Variants in EPHB3 observed in about 807,000 individuals in gnomAD.
EPHB3 encodes ephrin type-B receptor 3.
Under a neutral mutation model 100.2 loss-of-function variants are expected in EPHB3, and 33 were observed. That is an observed-to-expected ratio of 0.33 (90% CI 0.25 to 0.44). The LOEUF is 0.44. Ranked by LOEUF, EPHB3 falls within the 20% of genes least tolerant of loss-of-function variation. The probability of loss-of-function intolerance (pLI) is 1.00; values close to 1 mark genes in which losing one functional copy is unlikely to be tolerated. For missense variants in EPHB3, 1,045 were observed against 1,378.3 expected (o/e 0.76, Z 3.83); for synonymous variants, 526 against 554.7 (o/e 0.95, Z 0.73).
intron 3 of EPHB3, among the ~76,000 whole-genome samples, chr3:184,575,603 G>T (rs903472851): frequency 1.3e-5 from 2 of 152,082 alleles, no homozygotes; most frequent in African/African-American, 4.8e-5. Context: ...GGGTAGGGGT[G>T]AGGGGGGCAG....
At position 184,562,900 on chromosome 3, in the gene EPHB3, A is replaced by G. The variant is rs1457627478; in HGVS notation, c.118+547A>G. Reference sequence around the variant, plus strand: ...ATTGTTTATGGTTTACCGGGCGCCAATTACACCCGAGGTGCTGTATGGGCG... The same window carrying G: ...ATTGTTTATGGTTTACCGGGCGCCAGTTACACCCGAGGTGCTGTATGGGCG... On this transcript the variant is annotated intron_variant, in intron 1 of 15. Transcript: ENST00000330394. This position sits in a 1 kb window ranked among gnomAD's most constrained non-coding sequence, Gnocchi z 4.8. Among the ~76,000 whole-genome samples, 1 of 152,202 alleles carries G rather than the reference A, an allele frequency of 6.6e-6. No individual in the cohort carries two copies. The highest frequency in any genetic ancestry group is 1.5e-5 in the Non-Finnish European group (1 of 68,024).
chr3:184,575,816 C>T lies in EPHB3; in HGVS notation c.857-14C>T, dbSNP rs773830998. 2.5e-6 allele frequency: 4 copies of T among 1,582,868 alleles called. No homozygotes were observed. The South Asian group carries it at 3.5e-5, about 14-fold the overall frequency. The stretch of plus-strand genomic sequence containing the variant: ...AAGGGAGGTGAGCCCCATTCATCCT[C>T]TTCTCTCCCACAGCCTGTCCCCCTG... On this transcript the variant is annotated splice_polypyrimidine_tract_variant and intron_variant, in intron 3 of 15. Coordinates refer to ENST00000330394, the MANE Select transcript of EPHB3 (RefSeq NM_004443.4).
In EPHB3 at chr3:184,571,480, G is replaced by A. The variant is rs979613723; in HGVS notation, c.183+98G>A. 3 of 1,320,470 alleles carry A rather than the reference G, an allele frequency of 2.3e-6. No homozygotes were observed. The African/African-American group carries it at 4.3e-5, about 19-fold the overall frequency. The allele number at this position is 1,320,470 out of a possible 1,614,324, so 81.8% of individuals were successfully genotyped here. A position where few individuals can be genotyped will look rare whatever the true frequency, so the allele number is the denominator to read the frequency against. The stretch of plus-strand genomic sequence containing the variant: ...CCTCATCTCACCAGGGCCTGGAGGA[G>A]GGCTGCCTCTGCCCTCTGCCTGTCA... On this transcript the variant is annotated intron_variant, in intron 2 of 15. Transcript: ENST00000330394. This position sits in a 1 kb window ranked among gnomAD's most constrained non-coding sequence, Gnocchi z 5.0.
chr3:184,576,238 T>TGGC (rs1714674007), intron 4 of EPHB3, among the ~76,000 whole-genome samples: 4 of 150,830 alleles, frequency 2.7e-5, no homozygotes, highest in African/African-American at 7.4e-5. Context: ...GCTCAGGAAC[T>TGGC]TGCTCCTAGC....
Position 184,565,034 on chromosome 3 carries a change from ACC to A in EPHB3, c.118+2685_118+2686del. Among the ~76,000 whole-genome samples the A allele has an allele frequency of 6.6e-6, 1 of 151,438 alleles. No homozygotes were observed. Among genetic ancestry groups the A allele is most frequent in the Non-Finnish European group, 1.5e-5 (1 of 67,856 alleles). On this transcript the variant is annotated intron_variant, in intron 1 of 15. Transcript: ENST00000330394. The surrounding 1 kb of genome is among the most constrained non-coding windows in gnomAD (Gnocchi z 4.8). ...GAGCCCTGGCTGCTACCTCTCATGT[ACC>A]CCCTAGTTAGATGCTGTCTAGCACC...
Position 184,580,691 on chromosome 3 carries a change from G to A in EPHB3, c.2389-38G>A, listed in dbSNP as rs376676131. On this transcript the variant is annotated intron_variant, in intron 12 of 15. Coordinates refer to ENST00000330394, the MANE Select transcript of EPHB3 (RefSeq NM_004443.4). ...GGGGCTCGGGCCTGGGGGGCAGCCC[G>A]GAGTCACAGGGTGAAGGGCCTGTGC... 4.4e-4 allele frequency: 709 copies of A among 1,610,514 alleles called. 3 individuals carry two copies. Among genetic ancestry groups the A allele is most frequent in the Non-Finnish European group, 5.7e-4 (676 of 1,177,912 alleles).
Position 184,573,144 on chromosome 3 carries a change from A to G in EPHB3, c.824A>G (p.His275Arg). ...PVGACTCATG[H>R]EPAAKESQCR... ...GGTGCCTGCACCTGTGCCACCGGCC[A>G]TGAGCCAGCTGCCAAGGAGTCCCAG... is the stretch of plus-strand genomic sequence containing the variant. Residue 275 changes from histidine to arginine, a missense_variant, in exon 3 of 16, where the codon CAT (histidine) becomes CGT (arginine). His to Arg is a conservative substitution (Grantham distance 29). Transcript: ENST00000330394. The surrounding 1 kb of genome is among the most constrained non-coding windows in gnomAD (Gnocchi z 4.5). The G allele has an allele frequency of 3.7e-6, 6 of 1,612,614 alleles. No homozygotes were observed. Among genetic ancestry groups the G allele is most frequent in the Non-Finnish European group, 5.1e-6 (6 of 1,180,004 alleles).
In EPHB3 at chr3:184,565,051, T is replaced by G. The variant is rs569486999; in HGVS notation, c.118+2698T>G. ...TCTCATGTACCCCCTAGTTAGATGC[T>G]GTCTAGCACCTGGTTCCTCTTCCCT... On this transcript the variant is annotated intron_variant, in intron 1 of 15. Coordinates refer to ENST00000330394, the MANE Select transcript of EPHB3 (RefSeq NM_004443.4). This position sits in a 1 kb window ranked among gnomAD's most constrained non-coding sequence, Gnocchi z 4.8. Among the ~76,000 whole-genome samples the G allele has an allele frequency of 1.3e-5, 2 of 152,222 alleles. No individual in the cohort carries two copies. Among genetic ancestry groups the G allele is most frequent in the East Asian group, 3.9e-4 (2 of 5,164 alleles).
At position 184,582,195 on chromosome 3, in the gene EPHB3, G is replaced by C. The variant is rs1714839680; in HGVS notation, c.*573G>C. The C allele has an allele frequency of 6.1e-6, 1 of 162,676 alleles. No individual in the cohort carries two copies. The highest frequency in any genetic ancestry group is 1.5e-4 in the South Asian group (1 of 6,650). The allele number at this position is 162,676 out of a possible 1,614,324, so 10.1% of individuals were successfully genotyped here. ...ATAAAAGGGCAGGCAGGGGCAGGCT[G>C]AGGAGTTGCCCTTTGCCCCCCAGAG... On this transcript the variant is annotated 3_prime_UTR_variant, in exon 16 of 16. Transcript: ENST00000330394.
At position 184,577,692 on chromosome 3, in the gene EPHB3, T is replaced by G; in HGVS notation, c.1514T>G (p.Met505Arg). Residue 505 changes from methionine (M) to arginine (R), a missense_variant, in exon 7 of 16, where the codon ATG (methionine) becomes AGG (arginine). Coordinates refer to ENST00000330394, the MANE Select transcript of EPHB3 (RefSeq NM_004443.4). This position sits in a 1 kb window ranked among gnomAD's most constrained non-coding sequence, Gnocchi z 4.9. ...ATCGCCTCCACAGTGACCAGCCAGA[T>G]GAACTCCGTGCAGCTGGACGGGCTT... ...EGIASTVTSQ[M>R]NSVQLDGLRP... 1.2e-6 allele frequency: 2 copies of G among 1,609,456 alleles called. No individual in the cohort carries two copies. The highest frequency in any genetic ancestry group is 8.5e-7 in the Non-Finnish European group (1 of 1,177,136).
chr3:184,570,796 G>A lies in EPHB3; in HGVS notation c.119-522G>A, dbSNP rs149628270. 1.9e-3 allele frequency among the ~76,000 whole-genome samples: 294 copies of A among 152,280 alleles called. 1 individual carries two copies. The highest frequency in any genetic ancestry group is 3.4e-3 in the Non-Finnish European group (229 of 68,014). On this transcript the variant is annotated intron_variant, in intron 1 of 15. Transcript: ENST00000330394. ...TCATTAACCCAGGCCTGGGGTCAGG[G>A]CACTCACCCCTAGCCTGCCCGACCT...
In EPHB3 at chr3:184,571,429, T is replaced by TC. The variant is rs752586342; in HGVS notation, c.183+53dup. ...CCTGAGTGTTGTTTGCCATTAGGCC[T>TC]CCCCCCACTTCCAGCCTCCGTGCCC... On this transcript the variant is annotated intron_variant, in intron 2 of 15. Coordinates refer to ENST00000330394, the MANE Select transcript of EPHB3 (RefSeq NM_004443.4). This position sits in a 1 kb window ranked among gnomAD's most constrained non-coding sequence, Gnocchi z 5.0. The TC allele has an allele frequency of 7.5e-6, 12 of 1,600,902 alleles. No homozygotes were observed. In the African/African-American group the frequency reaches 8.0e-5, roughly 11 times the overall value.
intron 11 of EPHB3, 79 bp downstream of exon 11, chr3:184,580,013 G>A (rs1270253979): frequency 4.5e-6 from 7 of 1,549,944 alleles, no homozygotes; most frequent in Non-Finnish European, 5.2e-6. Flanking sequence ...AAGTCAGACA[G>A]CCCCTATTCA....
Position 184,571,449 on chromosome 3 carries a change from G to A in EPHB3, c.183+67G>A, listed in dbSNP as rs369682851. 34 of 1,565,020 alleles carry A rather than the reference G, an allele frequency of 2.2e-5. No individual in the cohort carries two copies. The highest frequency in any genetic ancestry group is 1.9e-4 in the African/African-American group (14 of 73,930). On this transcript the variant is annotated intron_variant, in intron 2 of 15. Transcript: ENST00000330394. This position sits in a 1 kb window ranked among gnomAD's most constrained non-coding sequence, Gnocchi z 5.0. ...AGGCCTCCCCCCACTTCCAGCCTCCGTGCCCCCTCATCTCACCAGGGCCTG... is the reference window on the plus strand; with the variant it reads ...AGGCCTCCCCCCACTTCCAGCCTCCATGCCCCCTCATCTCACCAGGGCCTG...
Position 184,577,726 on chromosome 3 carries a change from C to A in EPHB3, c.1548C>A (p.Asp516Glu). 1 of 1,611,430 alleles carries A rather than the reference C, an allele frequency of 6.2e-7. No homozygotes were observed. Among genetic ancestry groups the A allele is most frequent in the African/African-American group, 1.3e-5 (1 of 75,006 alleles). Reference sequence around the variant, plus strand: ...TGCAGCTGGACGGGCTTCGGCCTGACGCCCGCTATGTGGTCCAGGTCCGTG... The same window carrying A: ...TGCAGCTGGACGGGCTTCGGCCTGAAGCCCGCTATGTGGTCCAGGTCCGTG... The part of the protein sequence containing the change: ...NSVQLDGLRP[D>E]ARYVVQVRAR... The change falls in exon 7 of 16, where the codon GAC (aspartate) becomes GAA (glutamate). Residue 516 changes from aspartate to glutamate, a missense_variant. Asp to Glu is a conservative substitution (Grantham distance 45, BLOSUM62 2). Transcript: ENST00000330394. The surrounding 1 kb of genome is among the most constrained non-coding windows in gnomAD (Gnocchi z 4.9).
intron 1 of EPHB3, among the ~76,000 whole-genome samples, chr3:184,567,480 GGT>G (rs58429187): frequency 0.19 from 28,479 of 148,196 alleles, 2,823 homozygotes; most frequent in East Asian, 0.3. Flanking sequence ...ATGCTTGCAG[GGT>G]GTGTGTGTGT....
Position 184,562,274 on chromosome 3 carries a change from G to A in EPHB3, c.39G>A (p.Pro13=), listed in dbSNP as rs1050381349. 3.3e-6 allele frequency: 4 copies of A among 1,202,446 alleles called. No individual in the cohort carries two copies. The highest frequency in any genetic ancestry group is 3.2e-4 in the Middle Eastern group (1 of 3,082). The allele number at this position is 1,202,446 out of a possible 1,614,324, so 74.5% of individuals were successfully genotyped here. A position where few individuals can be genotyped will look rare whatever the true frequency, so the allele number is the denominator to read the frequency against. ...RARPPPPPSP[P]PGLLPLLPPL... ...GCCCGCCGCCGCCGCCGTCGCCGCC[G>A]CCGGGGCTTCTGCCGCTGCTCCCTC... The change falls in exon 1 of 16, where the codon CCG becomes CCA. Residue 13 remains proline (P), a synonymous_variant. Coordinates refer to ENST00000330394, the MANE Select transcript of EPHB3 (RefSeq NM_004443.4). The surrounding 1 kb of genome is among the most constrained non-coding windows in gnomAD (Gnocchi z 4.8).
At chr3:184,576,703 T>C in intron 4 of EPHB3, 139 bp from the exon 5 acceptor site, 1 of 780,806 alleles carries the variant, frequency 1.3e-6, no homozygotes, top group Admixed American at 3.4e-5. Flanking sequence ...GGTGAAGAAA[T>C]GTAGGAACGT....
In EPHB3 at chr3:184,572,891, C is replaced by T. The variant is rs1714576148; in HGVS notation, c.571C>T (p.Leu191=). 2 of 1,561,412 alleles carry T rather than the reference C, an allele frequency of 1.3e-6. No homozygotes were observed. The highest frequency in any genetic ancestry group is 1.7e-6 in the Non-Finnish European group (2 of 1,153,978). The change falls in exon 3 of 16, where the codon CTG becomes TTG. Residue 191 remains leucine (L), a synonymous_variant. Coordinates refer to ENST00000330394, the MANE Select transcript of EPHB3 (RefSeq NM_004443.4). This position sits in a 1 kb window ranked among gnomAD's most constrained non-coding sequence, Gnocchi z 6.6. The part of the protein sequence containing the change: ...FGPLSKAGFY[L]AFQDQGACMS... ...GCCACTTTCCAAGGCTGGCTTCTAC[C>T]TGGCCTTCCAGGACCAGGGCGCCTG...
Sources: gnomAD v4.1 joint callset for allele counts (sites outside exome capture counted in the v4.1 genomes callset) on GRCh38, gnomAD v4.1.1 for gene constraint, Gnocchi (gnomAD v3.1) non-coding constraint, MANE v1.5 for transcripts, NCBI Gene and HGNC (gene_info 2026-07-23, HGNC 2026-07-21) for gene names.